RGS7: variants seen among roughly 807,000 people sequenced by gnomAD.
The protein encoded by RGS7 is regulator of G protein signaling 7.
Under a neutral mutation model 81.1 loss-of-function variants are expected in RGS7, and 27 were observed. The observed-to-expected ratio is 0.33, with a 90% CI of 0.25 to 0.46. RGS7 has a LOEUF of 0.46. Ranked by LOEUF, RGS7 falls within the 20% of genes least tolerant of loss-of-function variation. RGS7 has a pLI of 1.00. For synonymous variants in RGS7, 208 were observed against 207.7 expected, an observed-to-expected ratio of 1.00 and a Z score of -0.01; for missense variants, 396 against 607.4, an observed-to-expected ratio of 0.65 and a Z score of 3.66.
chr1:240,874,120 T>G (rs1435564596), intron 6 of RGS7, among the ~76,000 whole-genome samples: 4 of 152,204 alleles, frequency 2.6e-5, no homozygotes, highest in Middle Eastern at 3.2e-3. Flanking sequence ...CAGTGCCGAC[T>G]ATGAACCAGA....
chr1:240,867,501 T>C lies in RGS7; in HGVS notation c.609+1086A>G, dbSNP rs568546668. 6.6e-5 allele frequency among the ~76,000 whole-genome samples: 10 copies of C among 152,350 alleles called. No homozygotes were observed. The South Asian group carries it at 1.9e-3, about 28-fold the overall frequency. ...TGCTGGTAACCACTGTTTAATTTCATCCATAAAGTTTTCTGGTATTAATTA... is the reference window on the plus strand; with the variant it reads ...TGCTGGTAACCACTGTTTAATTTCACCCATAAAGTTTTCTGGTATTAATTA... On this transcript the variant is annotated intron_variant, in intron 9 of 18. Transcript: ENST00000440928.
chr1:241,297,434 C>T (rs772512876), intron 2 of RGS7, among the ~76,000 whole-genome samples: 1 of 152,144 alleles, frequency 6.6e-6, no homozygotes, highest in Non-Finnish European at 1.5e-5. Context: ...TTCTTTATAT[C>T]CAGATTGGAT....
intron 2 of RGS7, among the ~76,000 whole-genome samples, chr1:241,209,289 T>C (rs183689830): frequency 2.1e-4 from 32 of 152,190 alleles, no homozygotes; most frequent in African/African-American, 6.7e-4. Flanking sequence ...ATGTATTGAA[T>C]AAAGGGATCT....
chr1:240,806,034 G>T, intron 15 of RGS7, 106 bp downstream of exon 15: 1 of 990,688 alleles, frequency 1.0e-6, no homozygotes, highest in Non-Finnish European at 1.6e-6. Flanking sequence ...TATCTAAATT[G>T]AAAATGTTAG....
chr1:240,782,870 A>T (rs908074738), intron 18 of RGS7, among the ~76,000 whole-genome samples: 3 of 152,240 alleles, frequency 2.0e-5, no homozygotes, highest in African/African-American at 7.2e-5. Flanking sequence ...CAATGATTAC[A>T]TATGTGTTAT....
chr1:241,078,264 TATAAC>T (rs2062924455), intron 3 of RGS7, among the ~76,000 whole-genome samples: 1 of 148,756 alleles, frequency 6.7e-6, no homozygotes, highest in African/African-American at 2.5e-5. Flanking sequence ...TATAAAAACA[TATAAC>T]ATATTTTTCC....
At chr1:241,094,238 AACACACACACACACACACACACAC>A (rs149481776) in intron 3 of RGS7, among the ~76,000 whole-genome samples, 1 of 136,382 alleles carries the variant, frequency 7.3e-6, no homozygotes, top group Non-Finnish European at 1.6e-5. Context: ...GACATACATA[AACACACACACACACACACACACAC>A]ACACACACAC....
At chr1:241,220,617 C>T (rs1332777970) in intron 2 of RGS7, among the ~76,000 whole-genome samples, 1 of 152,072 alleles carries the variant, frequency 6.6e-6, no homozygotes, top group Non-Finnish European at 1.5e-5. Flanking sequence ...TACAAACACT[C>T]CTGGGTTATC....
At chr1:240,843,640 G>C (rs1022527207) in intron 9 of RGS7, among the ~76,000 whole-genome samples, 6 of 152,188 alleles carry the variant, frequency 3.9e-5, no homozygotes, top group Admixed American at 3.9e-4. Context: ...TATTGATTGT[G>C]AGGAGGTATA....
chr1:241,103,751 G>A (rs1324823697), intron 2 of RGS7, among the ~76,000 whole-genome samples: 1 of 152,158 alleles, frequency 6.6e-6, no homozygotes, highest in Non-Finnish European at 1.5e-5. Context: ...GCAAGCACCT[G>A]TGATCCCAGC....
At position 240,967,617 on chromosome 1, in the gene RGS7, G is replaced by A. The variant is rs114756208; in HGVS notation, c.226+15462C>T. 5.4e-3 allele frequency among the ~76,000 whole-genome samples: 818 copies of A among 150,482 alleles called. 8 individuals carry two copies. The highest frequency in any genetic ancestry group is 0.019 in the African/African-American group (771 of 40,498). On this transcript the variant is annotated intron_variant, in intron 4 of 18. Coordinates refer to ENST00000440928, the MANE Select transcript of RGS7 (RefSeq NM_001364886.1). ...AGCAAGAGTATGGGCTTCACAGGCC[G>A]CTGAGGGCAAAGAGACATGAGATAC...
In RGS7 at chr1:241,242,745, T is replaced by C. The variant is rs184734270; in HGVS notation, c.78+112954A>G. On this transcript the variant is annotated intron_variant, in intron 2 of 18. Coordinates refer to ENST00000440928, the MANE Select transcript of RGS7 (RefSeq NM_001364886.1). Reference sequence around the variant, plus strand: ...CCTGATCATTAGTGATGTTGAGGATTTTTTTCATATGTTTCTTGGCCATTT... The same window carrying C: ...CCTGATCATTAGTGATGTTGAGGATCTTTTTCATATGTTTCTTGGCCATTT... Among the ~76,000 whole-genome samples, 10 of 152,338 alleles carry C rather than the reference T, an allele frequency of 6.6e-5. No homozygotes were observed. In the East Asian group the frequency reaches 1.9e-3, roughly 29 times the overall value.
chr1:241,118,085 CCTA>C lies in RGS7; in HGVS notation c.79-19326_79-19324del, dbSNP rs59878988. Among the ~76,000 whole-genome samples, 323 of 152,244 alleles carry C rather than the reference CCTA, an allele frequency of 2.1e-3. 11 individuals are homozygous for C. The East Asian group carries it at 0.057, about 27-fold the overall frequency. On this transcript the variant is annotated intron_variant, in intron 2 of 18. Coordinates refer to ENST00000440928, the MANE Select transcript of RGS7 (RefSeq NM_001364886.1). ...AGCTATTCTTTCTATGGTAGTGAAG[CCTA>C]CTATTTTTATTCTATTCCACTGAAT... is the stretch of plus-strand genomic sequence containing the variant.
chr1:241,163,490 CT>C lies in RGS7; in HGVS notation c.79-64729del, dbSNP rs1341706278. ...GCCAGGCTTTCTCCAAGGGCCTCCCCTGTCCTCTTCCAGATCTAGGAAAGAT... is the reference window on the plus strand; with the variant it reads ...GCCAGGCTTTCTCCAAGGGCCTCCCCGTCCTCTTCCAGATCTAGGAAAGAT... On this transcript the variant is annotated intron_variant, in intron 2 of 18. Transcript: ENST00000440928. The surrounding 1 kb of genome is among the most constrained non-coding windows in gnomAD (Gnocchi z 4.6). 6.6e-6 allele frequency among the ~76,000 whole-genome samples: 1 copy of C among 152,170 alleles called. No individual in the cohort carries two copies. The highest frequency in any genetic ancestry group is 1.5e-5 in the Non-Finnish European group (1 of 68,026).
At chr1:241,269,708 C>T (rs1168886897) in intron 2 of RGS7, among the ~76,000 whole-genome samples, 3 of 152,216 alleles carry the variant, frequency 2.0e-5, no homozygotes, top group Non-Finnish European at 4.4e-5. Context: ...GGGCGATCTG[C>T]TACTCTTTGA....
chr1:241,326,255 C>T (rs770372464), intron 2 of RGS7, among the ~76,000 whole-genome samples: 6 of 152,186 alleles, frequency 3.9e-5, no homozygotes, highest in Non-Finnish European at 8.8e-5. Flanking sequence ...CGTACACCAG[C>T]TCCTTAGTGA....
At chr1:240,991,747 C>T (rs1322717921) in intron 3 of RGS7, among the ~76,000 whole-genome samples, 2 of 152,166 alleles carry the variant, frequency 1.3e-5, no homozygotes, top group Admixed American at 6.5e-5. Context: ...TCAGATATAA[C>T]TATGAATTTT....
At chr1:241,321,517 C>T (rs2081210280) in intron 2 of RGS7, among the ~76,000 whole-genome samples, 1 of 152,162 alleles carries the variant, frequency 6.6e-6, no homozygotes, top group African/African-American at 2.4e-5. Flanking sequence ...GAAAAATCTT[C>T]ATGCAGATTA....
At chr1:240,823,446 T>A in intron 10 of RGS7, 1 of 304,842 alleles carries the variant, frequency 3.3e-6, no homozygotes, top group South Asian at 3.0e-5. Context: ...TATAGTCCAG[T>A]CCGCTCAGGA....
Sources: allele counts gnomAD v4.1 joint callset (sites outside exome capture counted in the v4.1 genomes callset), GRCh38; gene constraint gnomAD v4.1.1; non-coding constraint Gnocchi (gnomAD v3.1); transcripts MANE v1.5; gene names NCBI Gene and HGNC (gene_info 2026-07-23, HGNC 2026-07-21).